The following INPP5A variants were observed in gnomAD, a reference collection of about 807,000 sequenced individuals.
INPP5A encodes the protein inositol polyphosphate-5-phosphatase A.
A neutral mutation model predicts 65.2 loss-of-function variants in INPP5A; 14 were observed. That is an observed-to-expected ratio of 0.21 (90% CI 0.14 to 0.34). INPP5A has a LOEUF of 0.34. Among genes scored for constraint, INPP5A ranks in the 10% least tolerant of loss-of-function variants. INPP5A has a pLI of 1.00. For missense variants in INPP5A, 431 were observed against 545.6 expected (o/e 0.79, Z 2.09); for synonymous variants, 207 against 208.3 (o/e 0.99, Z 0.05).
rs376998631 is a variant in INPP5A at position 132,645,864 on chromosome 10, C to G, written c.118-4C>G. On this transcript the variant is annotated splice_region_variant and splice_polypyrimidine_tract_variant and intron_variant, in intron 2 of 15. Transcript: ENST00000368594. ...ACCCTGACAGTGTGCTTCTCTCCCT[C>G]CAGGTCGTGCACACACACAAGCCGC... The G allele has an allele frequency of 4.1e-5, 66 of 1,610,986 alleles. No individual in the cohort carries two copies. Among genetic ancestry groups the G allele is most frequent in the Non-Finnish European group, 5.0e-5 (59 of 1,178,008 alleles).
At chr10:132,755,690 G>A (rs1846593809) in intron 11 of INPP5A, among the ~76,000 whole-genome samples, 1 of 152,112 alleles carries the variant, frequency 6.6e-6, no homozygotes, top group Admixed American at 6.5e-5. Flanking sequence ...GGGTGTGTGT[G>A]GGGGGTGGTT....
intron 8 of INPP5A, among the ~76,000 whole-genome samples, chr10:132,720,609 A>C (rs1311850394): frequency 3.0e-5 from 4 of 131,328 alleles, no homozygotes; most frequent in East Asian, 2.4e-4. Flanking sequence ...GGCTGTCTTC[A>C]GGGTTCTGTG....
chr10:132,645,830 G>A, intron 2 of INPP5A, 38 bp from the exon 3 acceptor site: 2 of 1,515,418 alleles, frequency 1.3e-6, no homozygotes, highest in African/African-American at 1.4e-5. Context: ...TCTGTGGACG[G>A]CTCCGACGAC....
At chr10:132,680,613 C>G (rs1484498278) in intron 4 of INPP5A, among the ~76,000 whole-genome samples, 1 of 152,246 alleles carries the variant, frequency 6.6e-6, no homozygotes, top group Non-Finnish European at 1.5e-5. Flanking sequence ...CCTTTCTGGG[C>G]TGGCCAAGGC....
chr10:132,750,857 G>T (rs950069129), intron 11 of INPP5A, among the ~76,000 whole-genome samples: 4 of 152,198 alleles, frequency 2.6e-5, no homozygotes, highest in Non-Finnish European at 5.9e-5. Context: ...GGGAGTGGCC[G>T]GGGGAGAGGT....
intron 2 of INPP5A, among the ~76,000 whole-genome samples, chr10:132,623,862 A>C (rs976248979): frequency 1.3e-5 from 2 of 152,256 alleles, no homozygotes; most frequent in African/African-American, 2.4e-5. Context: ...ACTTCACTGA[A>C]GAAGAGAATA....
At position 132,587,750 on chromosome 10, in the gene INPP5A, TC is replaced by T. The variant is rs1465384496; in HGVS notation, c.76-20160del. On this transcript the variant is annotated intron_variant, in intron 1 of 15. Transcript: ENST00000368594. The surrounding 1 kb of genome is among the most constrained non-coding windows in gnomAD (Gnocchi z 4.3). ...CGGGCATGGTGGCTCATGCCTGTAA[TC>T]CCCCAGCACTTTGGGAGGCCGAGGC... Among the ~76,000 whole-genome samples, 1 of 152,034 alleles carries T rather than the reference TC, an allele frequency of 6.6e-6. No individual in the cohort carries two copies. Among genetic ancestry groups the T allele is most frequent in the Non-Finnish European group, 1.5e-5 (1 of 67,990 alleles).
In INPP5A at chr10:132,708,372, G is replaced by A. The variant is rs201462366; in HGVS notation, c.527+7G>A. On this transcript the variant is annotated splice_region_variant and intron_variant, in intron 7 of 15. Transcript: ENST00000368594. ...GGTGGTGCATTGCAGACTGGTACGTGGTGTCTGTGCTTTGTCAATTTCCAT... is the reference window on the plus strand; with the variant it reads ...GGTGGTGCATTGCAGACTGGTACGTAGTGTCTGTGCTTTGTCAATTTCCAT... 8.1e-6 allele frequency: 13 copies of A among 1,613,226 alleles called. No homozygotes were observed. The highest frequency in any genetic ancestry group is 1.0e-5 in the Non-Finnish European group (12 of 1,179,324).
chr10:132,697,836 G>A lies in INPP5A; in HGVS notation c.391G>A (p.Ala131Thr), dbSNP rs142268843. 724 of 1,613,148 alleles carry A rather than the reference G, an allele frequency of 4.5e-4. 2 individuals carry two copies. The highest frequency in any genetic ancestry group is 2.2e-3 in the South Asian group (199 of 90,972). The change falls in exon 6 of 16, where the codon GCT becomes ACT. Residue 131 changes from alanine to threonine, a missense_variant. Coordinates refer to ENST00000368594, the MANE Select transcript of INPP5A (RefSeq NM_005539.5). The surrounding 1 kb of genome is among the most constrained non-coding windows in gnomAD (Gnocchi z 5.6). ...DFKAKKYRKV[A>T]GKEIYSDTLE... The stretch of plus-strand genomic sequence containing the variant: ...TCCAGCTAAGAAGTATAGAAAGGTC[G>A]CTGGCAAAGAGATCTACTCGGATAC...
intron 1 of INPP5A, among the ~76,000 whole-genome samples, chr10:132,558,156 T>C (rs1187996408): frequency 6.6e-6 from 1 of 152,084 alleles, no homozygotes; most frequent in Non-Finnish European, 1.5e-5. Flanking sequence ...TACCTGGAGG[T>C]GTCAGCAGGG....
At chr10:132,614,092 G>A (rs934766480) in intron 2 of INPP5A, among the ~76,000 whole-genome samples, 3 of 152,166 alleles carry the variant, frequency 2.0e-5, no homozygotes, top group African/African-American at 7.2e-5. Context: ...ACGCCTTTGG[G>A]ACCCACGGCT....
rs1401564411 is a variant in INPP5A at position 132,538,227 on chromosome 10, C to G, written c.75+56C>G. 3 of 1,100,248 alleles carry G rather than the reference C, an allele frequency of 2.7e-6. No individual in the cohort carries two copies. The highest frequency in any genetic ancestry group is 3.7e-5 in the South Asian group (1 of 27,110). The allele number at this position is 1,100,248 out of a possible 1,614,324, so 68.2% of individuals were successfully genotyped here. On this transcript the variant is annotated intron_variant, in intron 1 of 15. Coordinates refer to ENST00000368594, the MANE Select transcript of INPP5A (RefSeq NM_005539.5). This position sits in a 1 kb window ranked among gnomAD's most constrained non-coding sequence, Gnocchi z 4.1. ...AGCCCGGAACCCCCGACCCTGACCC[C>G]GGGGTCCCGAACTGCAAGCCTTGGA...
intron 9 of INPP5A, among the ~76,000 whole-genome samples, chr10:132,732,004 G>A (rs1267476510): frequency 6.6e-6 from 1 of 152,204 alleles, no homozygotes; most frequent in African/African-American, 2.4e-5. Flanking sequence ...GCCACCCAGG[G>A]GAGCCCCCGG....
In INPP5A at chr10:132,697,215, C is replaced by T. The variant is rs1845358718; in HGVS notation, c.371-601C>T. 6.6e-6 allele frequency among the ~76,000 whole-genome samples: 1 copy of T among 152,236 alleles called. No homozygotes were observed. The highest frequency in any genetic ancestry group is 6.5e-5 in the Admixed American group (1 of 15,288). On this transcript the variant is annotated intron_variant, in intron 5 of 15. Transcript: ENST00000368594. This position sits in a 1 kb window ranked among gnomAD's most constrained non-coding sequence, Gnocchi z 5.6. ...CACCTTGGGTGTGGAGCTACCTGTC[C>T]ATAAAAAGAAAGGCTGAGGCCTGGT... is the stretch of plus-strand genomic sequence containing the variant.
Position 132,780,900 on chromosome 10 carries a change from T to C in INPP5A, c.1141T>C (p.Cys381Arg). Residue 381 changes from cysteine (C) to arginine (R), a missense_variant, in exon 14 of 16, where the codon TGC becomes CGC. Physicochemically the swap from Cys to Arg is radical, Grantham distance 180. Transcript: ENST00000368594. ...CTATGACCACATTGGGCCCAACGTC[T>C]GCATGGGAGACCACAAGGTGACATA... ...VTYDHIGPNV[C>R]MGDHKPVFLA... The C allele has an allele frequency of 6.3e-7, 1 of 1,586,762 alleles. No individual in the cohort carries two copies. Among genetic ancestry groups the C allele is most frequent in the Non-Finnish European group, 8.6e-7 (1 of 1,164,788 alleles).
intron 8 of INPP5A, among the ~76,000 whole-genome samples, chr10:132,718,882 G>A (rs541426981): frequency 4.9e-4 from 60 of 123,322 alleles, no homozygotes; most frequent in Middle Eastern, 6.7e-3. Flanking sequence ...GTTCTGTGGT[G>A]CCTGGGTTCT....
chr10:132,685,727 A>G (rs2133467248), intron 4 of INPP5A, among the ~76,000 whole-genome samples: 1 of 152,280 alleles, frequency 6.6e-6, no homozygotes, highest in Non-Finnish European at 1.5e-5. Flanking sequence ...GACCCTGCTC[A>G]ACAAACACGG....
intron 6 of INPP5A, among the ~76,000 whole-genome samples, chr10:132,703,158 G>T (rs978406033): frequency 6.6e-6 from 1 of 152,132 alleles, no homozygotes; most frequent in African/African-American, 2.4e-5. Context: ...CTTGGTGCAG[G>T]CAAGACACCT....
chr10:132,570,695 C>T (rs1363746773), intron 1 of INPP5A, among the ~76,000 whole-genome samples: 3 of 151,874 alleles, frequency 2.0e-5, no homozygotes, highest in Non-Finnish European at 2.9e-5. Flanking sequence ...AATTCCAGTG[C>T]ACCAACAATA....
Sources: gnomAD v4.1 joint callset for allele counts (sites outside exome capture counted in the v4.1 genomes callset) on GRCh38, gnomAD v4.1.1 for gene constraint, Gnocchi (gnomAD v3.1) non-coding constraint, MANE v1.5 for transcripts, NCBI Gene and HGNC (gene_info 2026-07-23, HGNC 2026-07-21) for gene names.